LYPLAL1: variants seen among roughly 807,000 people sequenced by gnomAD.
The protein encoded by LYPLAL1 is lysophospholipase-like protein 1.
LYPLAL1 carries 23 observed loss-of-function variants against 19.7 expected under a neutral mutation model. The ratio of observed to expected loss-of-function variants is 1.17; its 90% CI spans 0.84 to 1.65. LYPLAL1 has a LOEUF of 1.65. Ranked by LOEUF, LYPLAL1 falls within the 40% of genes most tolerant of loss-of-function variation. The probability of loss-of-function intolerance (pLI) is 0.00; values close to 1 mark genes in which losing one functional copy is unlikely to be tolerated. For missense variants in LYPLAL1, 355 were observed against 279.4 expected, an observed-to-expected ratio of 1.27 and a Z score of -1.93; for synonymous variants, 119 against 96.3, an observed-to-expected ratio of 1.24 and a Z score of -1.38.
the LYPLAL1 span, among the ~76,000 whole-genome samples, chr1:219,287,339 C>G: frequency 6.6e-6 from 1 of 152,150 alleles, no homozygotes; most frequent in East Asian, 1.9e-4. Context: ...CCCAAGCTAC[C>G]CTTATGCCAG....
At chr1:219,248,675 T>A in the LYPLAL1 span, among the ~76,000 whole-genome samples, 1 of 152,110 alleles carries the variant, frequency 6.6e-6, no homozygotes, top group African/African-American at 2.4e-5. Flanking sequence ...AGAGACTGCA[T>A]TCGATGTAAA....
chr1:219,405,394 G>A, the LYPLAL1 span, among the ~76,000 whole-genome samples: 1 of 152,126 alleles, frequency 6.6e-6, no homozygotes, highest in Non-Finnish European at 1.5e-5. Flanking sequence ...TGTTCTCTGA[G>A]GCATACTCTT....
chr1:219,281,004 G>A, the LYPLAL1 span, among the ~76,000 whole-genome samples: 33 of 152,248 alleles, frequency 2.2e-4, 1 homozygote, highest in East Asian at 3.9e-3. Flanking sequence ...GGCTGAGATC[G>A]CACCACTGCA....
the LYPLAL1 span, among the ~76,000 whole-genome samples, chr1:219,341,309 C>G: frequency 1.3e-5 from 2 of 152,016 alleles, no homozygotes; most frequent in Non-Finnish European, 2.9e-5. Context: ...TTACTTTTAA[C>G]AATATATTAT....
In LYPLAL1 at chr1:219,192,739, G is replaced by T. The variant is rs368986980; in HGVS notation, c.192-343G>T. Among the ~76,000 whole-genome samples, 3 of 151,636 alleles carry T rather than the reference G, an allele frequency of 2.0e-5. No individual in the cohort carries two copies. The East Asian group carries it at 5.8e-4, about 29-fold the overall frequency. ...CTTGATGGTGTGTGTGCCTGTGCAC[G>T]TATGTGTGTGTATTTTTTTTAACCA... On this transcript the variant is annotated intron_variant, in intron 2 of 4. Transcript: ENST00000366928.
the LYPLAL1 span, among the ~76,000 whole-genome samples, chr1:219,241,054 A>C: frequency 4.1e-5 from 6 of 146,674 alleles, no homozygotes; most frequent in East Asian, 2.0e-4. Context: ...ATATCTATAT[A>C]TATCTATATC....
the LYPLAL1 span, among the ~76,000 whole-genome samples, chr1:219,330,184 C>T: frequency 1.3e-5 from 2 of 152,158 alleles, no homozygotes; most frequent in African/African-American, 2.4e-5. Flanking sequence ...TAAGTAACCA[C>T]TTTAAAGAAA....
chr1:219,247,497 C>T, the LYPLAL1 span, among the ~76,000 whole-genome samples: 1 of 152,132 alleles, frequency 6.6e-6, no homozygotes, highest in Admixed American at 6.6e-5. Context: ...TTCTTAAATC[C>T]AAAAGCAATA....
At chr1:219,278,689 A>ACAG in the LYPLAL1 span, among the ~76,000 whole-genome samples, 3 of 151,848 alleles carry the variant, frequency 2.0e-5, no homozygotes, top group Non-Finnish European at 4.4e-5. Context: ...AACAACAACA[A>ACAG]CAACAACAAC....
chr1:219,308,256 T>C, the LYPLAL1 span, among the ~76,000 whole-genome samples: 6 of 152,160 alleles, frequency 3.9e-5, no homozygotes, highest in Admixed American at 2.6e-4. Context: ...AGAGGTGACT[T>C]GGGTGCTGTT....
At chr1:219,430,052 G>A in the LYPLAL1 span, among the ~76,000 whole-genome samples, 8 of 152,064 alleles carry the variant, frequency 5.3e-5, no homozygotes, top group East Asian at 3.9e-4. Context: ...AGAGCACTTC[G>A]GGAGGCCCAG....
At chr1:219,405,992 C>G in the LYPLAL1 span, among the ~76,000 whole-genome samples, 6 of 152,164 alleles carry the variant, frequency 3.9e-5, no homozygotes, top group African/African-American at 1.2e-4. Context: ...ATAAAAGTGT[C>G]CCTTCCACCT....
the LYPLAL1 span, among the ~76,000 whole-genome samples, chr1:219,432,247 A>G: frequency 6.6e-6 from 1 of 152,266 alleles, no homozygotes; most frequent in Non-Finnish European, 1.5e-5. Flanking sequence ...AGATTCATCA[A>G]TTTCTTTGAT....
chr1:219,194,130 A>G (rs1657416457), intron 3 of LYPLAL1, among the ~76,000 whole-genome samples: 1 of 151,896 alleles, frequency 6.6e-6, no homozygotes, highest in Non-Finnish European at 1.5e-5. Flanking sequence ...TCTTGGCGTT[A>G]GTTTCCACTT....
chr1:219,218,504 C>CTT, the LYPLAL1 span, among the ~76,000 whole-genome samples: 76 of 147,112 alleles, frequency 5.2e-4, no homozygotes, highest in South Asian at 4.5e-3. Flanking sequence ...CTTTTTTTGC[C>CTT]TTTTTTTTTT....
the LYPLAL1 span, among the ~76,000 whole-genome samples, chr1:219,439,972 T>TAC: frequency 3.9e-4 from 44 of 114,064 alleles, no homozygotes; most frequent in Non-Finnish European, 6.6e-4. Flanking sequence ...TATATATATA[T>TAC]ACATATATAT....
chr1:219,393,273 G>A, the LYPLAL1 span, among the ~76,000 whole-genome samples: 5 of 152,180 alleles, frequency 3.3e-5, no homozygotes, highest in African/African-American at 1.2e-4. Flanking sequence ...GCAGATTCAA[G>A]CCCAAAATGG....
chr1:219,436,747 G>T, the LYPLAL1 span, among the ~76,000 whole-genome samples: 5 of 152,168 alleles, frequency 3.3e-5, no homozygotes, highest in Non-Finnish European at 5.9e-5. Flanking sequence ...AGAGCGTTGA[G>T]TTAATACTTG....
chr1:219,244,259 A>G, the LYPLAL1 span, among the ~76,000 whole-genome samples: 2 of 152,344 alleles, frequency 1.3e-5, no homozygotes, highest in Non-Finnish European at 2.9e-5. Flanking sequence ...AATAAGAAAT[A>G]TAAAGAAAGG....
Sources: gnomAD v4.1 joint callset for allele counts (sites outside exome capture counted in the v4.1 genomes callset) on GRCh38, gnomAD v4.1.1 for gene constraint, MANE v1.5 for transcripts, NCBI Gene and HGNC (gene_info 2026-07-23, HGNC 2026-07-21) for gene names.